Variants in AKAP19 observed in about 807,000 individuals in gnomAD.
The protein encoded by AKAP19 is small A-kinase anchoring protein.
chr2:190,042,797 T>TG, the AKAP19 span, among the ~76,000 whole-genome samples: 1 of 152,250 alleles, frequency 6.6e-6, no homozygotes, highest in Admixed American at 6.5e-5. Flanking sequence ...GACACTGGTC[T>TG]GCATGTATAA....
At chr2:190,062,299 C>G in the AKAP19 span, 1 of 1,613,202 alleles carries the variant, frequency 6.2e-7, no homozygotes, top group Non-Finnish European at 8.5e-7. Flanking sequence ...TCGCTGCTGT[C>G]ATCCCTCTGG....
chr2:190,131,851 T>C, the AKAP19 span, among the ~76,000 whole-genome samples: 1 of 152,160 alleles, frequency 6.6e-6, no homozygotes, highest in Non-Finnish European at 1.5e-5. Flanking sequence ...GTCAGAGGTG[T>C]TGAGTGACTG....
the AKAP19 span, among the ~76,000 whole-genome samples, chr2:190,052,847 C>T: frequency 2.6e-5 from 4 of 152,076 alleles, no homozygotes; most frequent in Admixed American, 6.5e-5. Flanking sequence ...TCTCAGGAGA[C>T]GTTTTCAACA....
At chr2:190,072,743 G>A in the AKAP19 span, among the ~76,000 whole-genome samples, 2 of 152,040 alleles carry the variant, frequency 1.3e-5, no homozygotes, top group African/African-American at 4.8e-5. Flanking sequence ...TATAAAAATT[G>A]TTTAAAACAA....
At chr2:190,171,438 T>C in the AKAP19 span, among the ~76,000 whole-genome samples, 13 of 152,288 alleles carry the variant, frequency 8.5e-5, 2 homozygotes, top group South Asian at 2.1e-3. Flanking sequence ...AATCATTTTA[T>C]TGGACTTTTT....
the AKAP19 span, among the ~76,000 whole-genome samples, chr2:190,163,266 C>T: frequency 6.6e-6 from 1 of 151,780 alleles, no homozygotes; most frequent in African/African-American, 2.4e-5. Flanking sequence ...AACCCCGTTT[C>T]TACTAAAAAT....
chr2:190,108,781 C>CA, the AKAP19 span, among the ~76,000 whole-genome samples: 1 of 101,184 alleles, frequency 9.9e-6, no homozygotes, highest in Non-Finnish European at 2.0e-5. Context: ...TGCCTGTTTG[C>CA]GGTTTTTTTT....
the AKAP19 span, among the ~76,000 whole-genome samples, chr2:190,042,670 T>G: frequency 6.6e-6 from 1 of 152,096 alleles, no homozygotes; most frequent in Admixed American, 6.5e-5. Flanking sequence ...ATTTGAACAA[T>G]GCATAGAATA....
chr2:189,921,603 C>T, the AKAP19 span, among the ~76,000 whole-genome samples: 1 of 152,042 alleles, frequency 6.6e-6, no homozygotes, highest in Non-Finnish European at 1.5e-5. Context: ...GGATAGATTC[C>T]ATTCATCCTT....
the AKAP19 span, among the ~76,000 whole-genome samples, chr2:189,950,815 G>T: frequency 2.0e-5 from 3 of 152,098 alleles, no homozygotes; most frequent in South Asian, 2.1e-4. Context: ...ATTGAGAAAA[G>T]GATTGAGATC....
chr2:189,895,917 A>G, the AKAP19 span, among the ~76,000 whole-genome samples: 1 of 152,000 alleles, frequency 6.6e-6, no homozygotes, highest in Non-Finnish European at 1.5e-5. Flanking sequence ...GGGCTGAGGC[A>G]TAAGAATCAG....
the AKAP19 span, among the ~76,000 whole-genome samples, chr2:190,005,172 G>A: frequency 6.6e-6 from 1 of 152,296 alleles, no homozygotes; most frequent in Non-Finnish European, 1.5e-5. Context: ...GTCAGCAGCA[G>A]CAAGATTTAT....
the AKAP19 span, among the ~76,000 whole-genome samples, chr2:189,912,032 A>C: frequency 6.6e-6 from 1 of 152,172 alleles, no homozygotes; most frequent in African/African-American, 2.4e-5. Context: ...CAATTGAACA[A>C]TTTAATATAA....
the AKAP19 span, among the ~76,000 whole-genome samples, chr2:190,013,926 T>G: frequency 6.6e-6 from 1 of 152,298 alleles, no homozygotes; most frequent in South Asian, 2.1e-4. Flanking sequence ...TAATTTCTAT[T>G]TCTTTTATTT....
the AKAP19 span, among the ~76,000 whole-genome samples, chr2:190,145,724 A>C: frequency 6.6e-6 from 1 of 152,088 alleles, no homozygotes; most frequent in East Asian, 1.9e-4. Context: ...CTGTGAGTTC[A>C]CACAATGACT....
At chr2:190,069,964 T>A in the AKAP19 span, among the ~76,000 whole-genome samples, 1 of 152,178 alleles carries the variant, frequency 6.6e-6, no homozygotes, top group African/African-American at 2.4e-5. Context: ...TGAAGAACAG[T>A]TTATTTAATT....
chr2:190,015,283 G>T, the AKAP19 span, among the ~76,000 whole-genome samples: 1 of 152,186 alleles, frequency 6.6e-6, no homozygotes, highest in Non-Finnish European at 1.5e-5. Context: ...AATCTATATG[G>T]AGGTTCCCAA....
At chr2:190,146,586 C>T in the AKAP19 span, among the ~76,000 whole-genome samples, 2 of 152,196 alleles carry the variant, frequency 1.3e-5, no homozygotes, top group East Asian at 3.9e-4. Context: ...CACTCTTTTC[C>T]ATAGCAGCTG....
chr2:189,974,380 A>C, the AKAP19 span, among the ~76,000 whole-genome samples: 4 of 152,132 alleles, frequency 2.6e-5, no homozygotes, highest in East Asian at 3.8e-4. Context: ...ACATTTGCTG[A>C]GGAGTGCTTT....
Sources: allele counts gnomAD v4.1 joint callset (sites outside exome capture counted in the v4.1 genomes callset), GRCh38; gene constraint gnomAD v4.1.1; transcripts MANE v1.5; gene names NCBI Gene and HGNC (gene_info 2026-07-23, HGNC 2026-07-21).